ADAMTSL2: variants seen among roughly 807,000 people sequenced by gnomAD.
The protein encoded by ADAMTSL2 is ADAMTS-like protein 2.
In ADAMTSL2, 55 loss-of-function variants were observed where a neutral mutation model predicts 117.0. The observed-to-expected ratio is 0.47, with a 90% CI of 0.38 to 0.59. The LOEUF is 0.59. Ranked by LOEUF, ADAMTSL2 falls within the 20% of genes least tolerant of loss-of-function variation. The pLI, the probability that ADAMTSL2 is intolerant of heterozygous loss-of-function variation, is 0.00. For missense variants in ADAMTSL2, 1,182 were observed against 1,354.5 expected (o/e 0.87, Z 2.00); for synonymous variants, 572 against 566.4 (o/e 1.01, Z -0.14).
Position 133,568,291 on chromosome 9 carries a change from G to T in ADAMTSL2, c.1893G>T (p.Trp631Cys). Residue 631 changes from tryptophan (W) to cysteine (C), a missense_variant, in exon 14 of 19, where the codon TGG becomes TGT. Around this residue, in one of 3 missense-constraint regions of ADAMTSL2, gnomAD observed 465 missense variants for 565.3 expected, o/e 0.82. Transcript: ENST00000651351. ...ECQPRWETSS[W>C]SECSRTCGEG... ...GGGGCAGGTGGGAGACGAGCAGCTG[G>T]AGCGAGTGTTCGCGCACCTGCGGAG... is the stretch of plus-strand genomic sequence containing the variant. 1 of 1,571,314 alleles carries T rather than the reference G, an allele frequency of 6.4e-7. No homozygotes were observed. The highest frequency in any genetic ancestry group is 8.6e-7 in the Non-Finnish European group (1 of 1,159,666).
At position 133,568,304 on chromosome 9, in the gene ADAMTSL2, C is replaced by T. The variant is rs1047075955; in HGVS notation, c.1906C>T (p.Arg636Cys). Residue 636 changes from arginine to cysteine, a missense_variant, in exon 14 of 19, where the codon CGC (arginine) becomes TGC (cysteine). Physicochemically the swap from Arg to Cys is radical, Grantham distance 180 (BLOSUM62 -3). Coordinates refer to ENST00000651351, the MANE Select transcript of ADAMTSL2 (RefSeq NM_014694.4). The part of the protein sequence containing the change: ...WETSSWSECS[R>C]TCGEGYQFRV... ...GACGAGCAGCTGGAGCGAGTGTTCG[C>T]GCACCTGCGGAGAGGGCTACCAGTT... 2.3e-5 allele frequency: 36 copies of T among 1,575,950 alleles called. No individual in the cohort carries two copies. The highest frequency in any genetic ancestry group is 7.3e-5 in the Admixed American group (4 of 54,482).
rs182426607 is a variant in ADAMTSL2 at position 133,539,800 on chromosome 9, C to T, written c.339C>T (p.Arg113=). 1.9e-5 allele frequency: 29 copies of T among 1,543,744 alleles called. No individual in the cohort carries two copies. The highest frequency in any genetic ancestry group is 4.9e-5 in the East Asian group (2 of 40,558). ...GTCCGCCGGACGGGAGGAGCTTCCGCGAGGAGCAGTGCGTCTCCTTCAACT... is the reference window on the plus strand; with the variant it reads ...GTCCGCCGGACGGGAGGAGCTTCCGTGAGGAGCAGTGCGTCTCCTTCAACT... ...QECPPDGRSF[R]EEQCVSFNSH... Residue 113 remains arginine, a synonymous_variant, in exon 5 of 19, where the codon CGC becomes CGT. Coordinates refer to ENST00000651351, the MANE Select transcript of ADAMTSL2 (RefSeq NM_014694.4).
intron 9 of ADAMTSL2, among the ~76,000 whole-genome samples, chr9:133,547,534 T>C (rs1314689372): frequency 6.6e-6 from 1 of 152,224 alleles, no homozygotes; most frequent in East Asian, 1.9e-4. Context: ...ACCCACTTCT[T>C]GAAATCATTC....
intron 17 of ADAMTSL2, among the ~76,000 whole-genome samples, chr9:133,571,711 C>G (rs1471331517): frequency 1.3e-5 from 2 of 152,192 alleles, no homozygotes; most frequent in Non-Finnish European, 2.9e-5. Context: ...GGCCCCAGAC[C>G]CAGCCGCCTC....
chr9:133,536,848 C>T (rs1310295581), intron 2 of ADAMTSL2, 46 bp downstream of exon 2: 1 of 1,613,034 alleles, frequency 6.2e-7, no homozygotes, highest in African/African-American at 1.3e-5. Context: ...GTCCCCTACC[C>T]AGGTGCTGTG....
At chr9:133,548,849 C>T (rs1343999457) in intron 9 of ADAMTSL2, among the ~76,000 whole-genome samples, 1 of 152,210 alleles carries the variant, frequency 6.6e-6, no homozygotes, top group African/African-American at 2.4e-5. Flanking sequence ...TGGACCTATG[C>T]GCTTTGCACG....
intron 10 of ADAMTSL2, among the ~76,000 whole-genome samples, chr9:133,555,184 C>A (rs1830577324): frequency 6.6e-6 from 1 of 151,962 alleles, no homozygotes; most frequent in Admixed American, 6.5e-5. Flanking sequence ...TCTGTCGGTC[C>A]CCTTCTGATA....
chr9:133,568,488 TGA>T lies in ADAMTSL2; in HGVS notation c.2088+4_2088+5del. ...TGGGAGATGTCGGAGTGGTCCGAGGTGAGTGCCTGCGGGAGCAAGCCGGGGGT... is the reference window on the plus strand; with the variant it reads ...TGGGAGATGTCGGAGTGGTCCGAGGTGTGCCTGCGGGAGCAAGCCGGGGGT... On this transcript the variant is annotated splice_donor_region_variant and intron_variant, in intron 14 of 18. Coordinates refer to ENST00000651351, the MANE Select transcript of ADAMTSL2 (RefSeq NM_014694.4). 5 of 1,599,496 alleles carry T rather than the reference TGA, an allele frequency of 3.1e-6. No homozygotes were observed. The South Asian group carries it at 5.6e-5, about 18-fold the overall frequency.
chr9:133,539,917 G>A (rs1333587306), intron 5 of ADAMTSL2, 44 bp downstream of exon 5: 1 of 1,535,540 alleles, frequency 6.5e-7, no homozygotes, highest in South Asian at 1.2e-5. Flanking sequence ...AGCTGACTGA[G>A]CTTTGGGGGT....
Position 133,558,114 on chromosome 9 carries a change from C to T in ADAMTSL2, c.1649+2184C>T, listed in dbSNP as rs886591162. Among the ~76,000 whole-genome samples the T allele has an allele frequency of 1.3e-5, 2 of 152,216 alleles. No homozygotes were observed. Among genetic ancestry groups the T allele is most frequent in the Non-Finnish European group, 2.9e-5 (2 of 68,036 alleles). ...ACTCTTACCCTCCCCTCTTAGCCCC[C>T]CGCCCCAGGATATATTGAATTTCCA... On this transcript the variant is annotated intron_variant, in intron 11 of 18. Coordinates refer to ENST00000651351, the MANE Select transcript of ADAMTSL2 (RefSeq NM_014694.4). The surrounding 1 kb of genome is among the most constrained non-coding windows in gnomAD (Gnocchi z 4.3).
At chr9:133,573,194 T>C (rs895723221) in intron 17 of ADAMTSL2, among the ~76,000 whole-genome samples, 12 of 152,048 alleles carry the variant, frequency 7.9e-5, no homozygotes, top group Non-Finnish European at 1.2e-4. Context: ...GTCACCCACA[T>C]TGGGGGGAGT....
Position 133,561,304 on chromosome 9 carries a change from C to A in ADAMTSL2, c.1747+9C>A. On this transcript the variant is annotated intron_variant, in intron 12 of 18. Transcript: ENST00000651351. ...TGCCACCTGCACCACAGGTACTGGT[C>A]ACGGGTGCCAAGGGGCAGCAACTGC... 6.3e-7 allele frequency: 1 copy of A among 1,581,180 alleles called. No individual in the cohort carries two copies.
At chr9:133,572,624 G>A (rs1440562546) in intron 17 of ADAMTSL2, among the ~76,000 whole-genome samples, 2 of 152,082 alleles carry the variant, frequency 1.3e-5, no homozygotes, top group Non-Finnish European at 2.9e-5. Flanking sequence ...CATGGCACGG[G>A]GGGAGCCATG....
At chr9:133,562,829 G>A (rs1380104783) in intron 12 of ADAMTSL2, among the ~76,000 whole-genome samples, 2 of 124,212 alleles carry the variant, frequency 1.6e-5, no homozygotes, top group African/African-American at 6.5e-5. Flanking sequence ...TGTGGGCGGC[G>A]TGGTGGGCAC....
chr9:133,569,223 G>A (rs1474839112), intron 15 of ADAMTSL2, among the ~76,000 whole-genome samples, 185 bp from the exon 16 acceptor site: 1 of 152,138 alleles, frequency 6.6e-6, no homozygotes, highest in East Asian at 1.9e-4. Flanking sequence ...TTCTCTGTGT[G>A]CTTTTCATCA....
chr9:133,535,318 G>A (rs1830024995), intron 1 of ADAMTSL2, among the ~76,000 whole-genome samples: 1 of 151,882 alleles, frequency 6.6e-6, no homozygotes, highest in African/African-American at 2.4e-5. Flanking sequence ...GCACAGTGGA[G>A]GGGGCTCCTG....
Position 133,554,461 on chromosome 9 carries a change from G to T in ADAMTSL2, c.1044G>T (p.Glu348Asp). The T allele has an allele frequency of 6.4e-7, 1 of 1,555,894 alleles. No homozygotes were observed. Residue 348 changes from glutamate (E) to aspartate (D), a missense_variant, in exon 10 of 19, where the codon GAG becomes GAT. Physicochemically the swap from Glu to Asp is conservative, Grantham distance 45. Around this residue, in one of 3 missense-constraint regions of ADAMTSL2, gnomAD observed 345 missense variants for 325.8 expected, o/e 1.06. Coordinates refer to ENST00000651351, the MANE Select transcript of ADAMTSL2 (RefSeq NM_014694.4). The surrounding 1 kb of genome is among the most constrained non-coding windows in gnomAD (Gnocchi z 5.2). Reference protein sequence around the residue: ...RPQPIYYGFSESAESQGLDGA... With the variant: ...RPQPIYYGFSDSAESQGLDGA... ...AGCCCATCTACTATGGCTTCTCCGA[G>T]AGCGCTGAGAGCCAGGGCCTGGACG...
rs566925817 is a variant in ADAMTSL2 at position 133,536,028 on chromosome 9, C to T, written c.-150-535C>T. On this transcript the variant is annotated intron_variant, in intron 1 of 18. Coordinates refer to ENST00000651351, the MANE Select transcript of ADAMTSL2 (RefSeq NM_014694.4). ...CACCTCCTCCTGCCCTGCCCCTCCCCCAATTCCATCTTCTCTCCGGGGATC... is the reference window on the plus strand; with the variant it reads ...CACCTCCTCCTGCCCTGCCCCTCCCTCAATTCCATCTTCTCTCCGGGGATC... 3.3e-5 allele frequency among the ~76,000 whole-genome samples: 5 copies of T among 152,334 alleles called. No homozygotes were observed. The South Asian group carries it at 1.0e-3, about 32-fold the overall frequency.
Position 133,555,609 on chromosome 9 carries a change from T to C in ADAMTSL2, c.1328T>C (p.Val443Ala). ...ACCGGGGACAAGGATGACGAAGAGG[T>C]TGACACCCACTTCGCCTCCCAGGAG... ...PLTGDKDDEE[V>A]DTHFASQEFF... The change falls in exon 11 of 19, where the codon GTT becomes GCT. Residue 443 changes from valine to alanine, a missense_variant. Val to Ala is a moderately conservative substitution (Grantham distance 64, BLOSUM62 0). Transcript: ENST00000651351. 6.2e-7 allele frequency: 1 copy of C among 1,613,224 alleles called. No individual in the cohort carries two copies. Among genetic ancestry groups the C allele is most frequent in the African/African-American group, 1.3e-5 (1 of 75,020 alleles).
Sources: allele counts gnomAD v4.1 joint callset (sites outside exome capture counted in the v4.1 genomes callset), GRCh38; gene constraint gnomAD v4.1.1; regional missense constraint gnomAD v4.1.1; non-coding constraint Gnocchi (gnomAD v3.1); transcripts MANE v1.5; gene names NCBI Gene and HGNC (gene_info 2026-07-23, HGNC 2026-07-21).